The following ATAD2 variants were observed in gnomAD, a reference collection of about 807,000 sequenced individuals.
ATAD2 encodes the protein ATPase family AAA domain containing 2, also known as ATPase family AAA domain-containing protein 2.
Under a neutral mutation model 168.9 loss-of-function variants are expected in ATAD2, and 62 were observed. That is an observed-to-expected ratio of 0.37 (90% CI 0.30 to 0.45). The LOEUF is 0.45. ATAD2 is among the 20% of genes least tolerant of loss of function. The pLI is 1.00. For missense variants in ATAD2, 1,419 were observed against 1,667.8 expected (o/e 0.85, Z 2.60); for synonymous variants, 613 against 571.6 (o/e 1.07, Z -1.03).
Position 123,319,928 on chromosome 8 carries a change from C to G in ATAD2, c.*1206G>C, listed in dbSNP as rs2131262708. 1 of 152,130 alleles carries G rather than the reference C, an allele frequency of 6.6e-6. No individual in the cohort carries two copies. Among genetic ancestry groups the G allele is most frequent in the African/African-American group, 2.4e-5 (1 of 41,512 alleles). 9.4% of individuals were successfully genotyped at this position (152,130 alleles called of 1,614,324 possible). ...GAAATCCTAGTTATAAAAGATGCAT[C>G]TAGAAGAATAATTTATAATAAACCA... On this transcript the variant is annotated 3_prime_UTR_variant, in exon 28 of 28. Transcript: ENST00000287394.
At chr8:123,391,234 T>G (rs1829817761) in intron 1 of ATAD2, among the ~76,000 whole-genome samples, 1 of 151,496 alleles carries the variant, frequency 6.6e-6, no homozygotes, top group Admixed American at 6.6e-5. Flanking sequence ...AAGATATCCA[T>G]AGTCATAAAG....
In ATAD2 at chr8:123,410,854, C is replaced by T. The variant is rs184138248; in HGVS notation, c.-2282+5394G>A. Among the ~76,000 whole-genome samples the T allele has an allele frequency of 4.8e-3, 738 of 152,348 alleles. 5 individuals are homozygous for T. The highest frequency in any genetic ancestry group is 0.016 in the African/African-American group (667 of 41,572). On this transcript the variant is annotated intron_variant, in intron 1 of 28. Transcript: ENST00000521903. ...GGTGTCCGCTGTGCTCCTGATCCAG[C>T]GAGGCGCCCATTGCCGCTCTGGATC...
At chr8:123,394,115 G>A (rs1812720190) in intron 1 of ATAD2, among the ~76,000 whole-genome samples, 1 of 151,506 alleles carries the variant, frequency 6.6e-6, no homozygotes, top group South Asian at 2.1e-4. Flanking sequence ...AAAAAACGGA[G>A]TGGCCATTAA....
In ATAD2 at chr8:123,402,150, T is replaced by C; in HGVS notation, c.-2281-975A>G. The C allele has an allele frequency of 1.4e-6, 1 of 731,644 alleles. No individual in the cohort carries two copies. The allele number at this position is 731,644 out of a possible 1,614,324, so 45.3% of individuals were successfully genotyped here. ...AGGTGGTGGAGGGGGCACCCCCCAG[T>C]GTCCACCTTCGGGCATAGCCTCCCT... On this transcript the variant is annotated intron_variant, in intron 1 of 28. Coordinates refer to the ATAD2 transcript ENST00000521903. This position sits in a 1 kb window ranked among gnomAD's most constrained non-coding sequence, Gnocchi z 4.8.
intron 6 of ATAD2, 112 bp from the exon 7 acceptor site, chr8:123,370,136 T>TAAA (rs563477611): frequency 7.2e-5 from 45 of 623,992 alleles, no homozygotes; most frequent in East Asian, 1.2e-4. Flanking sequence ...TATCTACTCC[T>TAAA]AAAAAAAAAA....
At chr8:123,409,187 T>C (rs1463418048) in intron 1 of ATAD2, among the ~76,000 whole-genome samples, 5 of 152,128 alleles carry the variant, frequency 3.3e-5, no homozygotes, top group South Asian at 2.1e-4. Context: ...CGAACATACA[T>C]AGTTTAATTT....
intron 21 of ATAD2, among the ~76,000 whole-genome samples, chr8:123,337,262 C>G (rs1421413348): frequency 1.3e-5 from 2 of 151,720 alleles, no homozygotes; most frequent in African/African-American, 2.4e-5. Context: ...ACTTGGGAGG[C>G]TGAGGCAGGA....
intron 1 of ATAD2, among the ~76,000 whole-genome samples, chr8:123,386,020 C>CAA (rs58687997): frequency 2.1e-4 from 17 of 81,124 alleles, no homozygotes; most frequent in Admixed American, 5.0e-4. Context: ...TGGCTACTCA[C>CAA]AAAAAAAAAA....
At chr8:123,347,486 TAA>T in intron 15 of ATAD2, 80 bp from the exon 16 acceptor site, 1 of 1,204,318 alleles carries the variant, frequency 8.3e-7, no homozygotes, top group Non-Finnish European at 1.1e-6. Flanking sequence ...TGACCATGGT[TAA>T]AAAAAAAATT....
chr8:123,400,232 A>C (rs1308312824), upstream of ATAD2, among the ~76,000 whole-genome samples: 1 of 152,236 alleles, frequency 6.6e-6, no homozygotes, highest in Non-Finnish European at 1.5e-5. The surrounding 1 kb of genome is among the most constrained non-coding windows in gnomAD (Gnocchi z 4.5). Flanking sequence ...GTAAAATATG[A>C]GAAGGAATCA....
intron 13 of ATAD2, among the ~76,000 whole-genome samples, chr8:123,351,492 G>A (rs1828458570): frequency 6.6e-6 from 1 of 152,104 alleles, no homozygotes; most frequent in Admixed American, 6.6e-5. Flanking sequence ...GACAGGTCTA[G>A]ATCCACTATT....
chr8:123,354,751 T>C (rs1828576791), intron 13 of ATAD2, among the ~76,000 whole-genome samples: 1 of 143,082 alleles, frequency 7.0e-6, no homozygotes, highest in East Asian at 2.1e-4. Context: ...GGCAGAAGAA[T>C]CGCTGGAACC....
chr8:123,348,040 T>C, intron 15 of ATAD2, 143 bp downstream of exon 15: 1 of 712,124 alleles, frequency 1.4e-6, no homozygotes, highest in Non-Finnish European at 2.5e-6. Context: ...ATTTCTTTAT[T>C]AGTCTGGTGC....
chr8:123,375,675 CA>C (rs2129796897), intron 2 of ATAD2, among the ~76,000 whole-genome samples: 1 of 152,222 alleles, frequency 6.6e-6, no homozygotes, highest in African/African-American at 2.4e-5. Flanking sequence ...TCTTATTCAA[CA>C]ATAAGAAGTA....
chr8:123,339,489 T>G, intron 19 of ATAD2, 43 bp from the exon 20 acceptor site: 1 of 1,488,280 alleles, frequency 6.7e-7, no homozygotes, highest in Non-Finnish European at 9.1e-7. Context: ...TATATACAGA[T>G]GATCCCCAAC....
At chr8:123,396,688 G>T (rs777521781), upstream of ATAD2, among the ~76,000 whole-genome samples, 11 of 152,194 alleles carry the variant, frequency 7.2e-5, no homozygotes, top group Non-Finnish European at 1.3e-4. Context: ...CGCTGAGCTC[G>T]GCGGAAGGAG....
At chr8:123,338,927 GA>G (rs1827991740) in intron 20 of ATAD2, among the ~76,000 whole-genome samples, 1 of 152,138 alleles carries the variant, frequency 6.6e-6, no homozygotes, top group Admixed American at 6.6e-5. Context: ...TAGTTCTTTA[GA>G]CAGAGATGGG....
intron 8 of ATAD2, among the ~76,000 whole-genome samples, chr8:123,365,977 A>C (rs1828965205): frequency 6.6e-6 from 1 of 152,204 alleles, no homozygotes; most frequent in Admixed American, 6.5e-5. Context: ...CAGCAGAGTA[A>C]AAAGGCAACC....
chr8:123,364,816 G>A (rs867932395), intron 8 of ATAD2, among the ~76,000 whole-genome samples: 13 of 152,054 alleles, frequency 8.5e-5, no homozygotes, highest in East Asian at 1.9e-4. Context: ...CACAGCCAAC[G>A]TAATACTGAA....
Sources: gnomAD v4.1 joint callset for allele counts (sites outside exome capture counted in the v4.1 genomes callset) on GRCh38, gnomAD v4.1.1 for gene constraint, Gnocchi (gnomAD v3.1) non-coding constraint, MANE v1.5 for transcripts, NCBI Gene and HGNC (gene_info 2026-07-23, HGNC 2026-07-21) for gene names.